The following PPP1R1C variants were observed in gnomAD, a reference collection of about 807,000 sequenced individuals.
PPP1R1C encodes protein phosphatase 1 regulatory inhibitor subunit 1C, also known as protein phosphatase 1 regulatory subunit 1C.
Under a neutral mutation model 17.4 loss-of-function variants are expected in PPP1R1C, and 15 were observed. The observed-to-expected ratio is 0.86, with a 90% CI of 0.58 to 1.33. The LOEUF is 1.33. Among genes scored for constraint, PPP1R1C ranks in the 40% most tolerant of loss-of-function variants. The probability of loss-of-function intolerance (pLI) is 0.00; values close to 1 mark genes in which losing one functional copy is unlikely to be tolerated. For missense variants in PPP1R1C, 143 were observed against 130.0 expected (o/e 1.10, Z -0.48); for synonymous variants, 35 against 43.1 (o/e 0.81, Z 0.73).
At chr2:182,119,075 C>T (rs1689663046), downstream of PPP1R1C, among the ~76,000 whole-genome samples, 1 of 151,922 alleles carries the variant, frequency 6.6e-6, no homozygotes, top group East Asian at 1.9e-4. Context: ...CCACAGCAGG[C>T]CCCGGTGTGT....
At chr2:182,120,014 T>A (rs1476258096), downstream of PPP1R1C, among the ~76,000 whole-genome samples, 2 of 152,194 alleles carry the variant, frequency 1.3e-5, no homozygotes, top group East Asian at 3.9e-4. Flanking sequence ...TGCCTAGGTT[T>A]TCTTCTAGGG....
chr2:182,046,722 A>G (rs1687359158), intron 2 of PPP1R1C, among the ~76,000 whole-genome samples: 1 of 151,420 alleles, frequency 6.6e-6, no homozygotes, highest in African/African-American at 2.4e-5. Flanking sequence ...CTGGCAACAG[A>G]GCGAGTCTCT....
At chr2:182,131,028 G>C (rs1689995605), downstream of PPP1R1C, 2 of 152,110 alleles carry the variant, frequency 1.3e-5, no homozygotes, top group African/African-American at 2.4e-5. Flanking sequence ...TAAGTTTTTT[G>C]TCGTATTGGC....
rs893671294 is a variant in PPP1R1C, at chr2:181,976,503, G to T, written n.157+1239G>T. 1.3e-5 allele frequency among the ~76,000 whole-genome samples: 2 copies of T among 152,122 alleles called. No individual in the cohort carries two copies. Among genetic ancestry groups the T allele is most frequent in the Non-Finnish European group, 2.9e-5 (2 of 68,018 alleles). ...TTTATTTATTTATATCGTTGAGTAAGAGGATCATACCTATAATCTCCTACA... is the reference window on the plus strand; with the variant it reads ...TTTATTTATTTATATCGTTGAGTAATAGGATCATACCTATAATCTCCTACA... On this transcript the variant is annotated intron_variant and non_coding_transcript_variant, in intron 2 of 5. Transcript: ENST00000464264. The surrounding 1 kb of genome is among the most constrained non-coding windows in gnomAD (Gnocchi z 4.8).
Position 182,066,431 on chromosome 2 carries a change from G to A in PPP1R1C, c.241+2640G>A, listed in dbSNP as rs1196164. On this transcript the variant is annotated intron_variant, in intron 4 of 4. Transcript: ENST00000682840. ...TATTTTTATCTGATCCATAACAAAT[G>A]TATGAAACAAAACACAGCTAAAAGA... Among the ~76,000 whole-genome samples the A allele has an allele frequency of 2.6e-3, 401 of 152,146 alleles. 2 individuals are homozygous for A. The highest frequency in any genetic ancestry group is 8.9e-3 in the African/African-American group (371 of 41,540).
intron 1 of PPP1R1C, among the ~76,000 whole-genome samples, chr2:181,955,935 G>A (rs570661881): frequency 3.3e-5 from 5 of 152,058 alleles, no homozygotes; most frequent in African/African-American, 1.2e-4. Flanking sequence ...AGTTGTGCAG[G>A]TTTGTTACAT....
At chr2:182,096,086 A>T (rs533534250) in intron 4 of PPP1R1C, among the ~76,000 whole-genome samples, 319 of 152,334 alleles carry the variant, frequency 2.1e-3, no homozygotes, top group Non-Finnish European at 3.7e-3. Context: ...ATGAAGTTTT[A>T]CAAGCCTTCA....
At chr2:181,988,920 A>C (rs1034597135) in intron 2 of PPP1R1C, among the ~76,000 whole-genome samples, 2 of 152,178 alleles carry the variant, frequency 1.3e-5, no homozygotes, top group African/African-American at 4.8e-5. Context: ...TTATAATTTG[A>C]TCCTATAACT....
At chr2:182,110,692 A>G (rs1689391357) in intron 4 of PPP1R1C, among the ~76,000 whole-genome samples, 1 of 152,140 alleles carries the variant, frequency 6.6e-6, no homozygotes, top group African/African-American at 2.4e-5. Context: ...TTGTTATTTT[A>G]TTTTTAATGC....
At chr2:181,990,438 C>T (rs566167610) in intron 2 of PPP1R1C, among the ~76,000 whole-genome samples, 30 of 152,182 alleles carry the variant, frequency 2.0e-4, no homozygotes, top group African/African-American at 7.2e-4. Context: ...CCACAGCGCC[C>T]GGCCTCCAAG....
intron 4 of PPP1R1C, among the ~76,000 whole-genome samples, chr2:182,089,742 ACT>A (rs1688728909): frequency 6.6e-6 from 1 of 152,122 alleles, no homozygotes; most frequent in Non-Finnish European, 1.5e-5. Context: ...TCATCACTAC[ACT>A]GTTAATTAAT....
intron 4 of PPP1R1C, among the ~76,000 whole-genome samples, chr2:182,084,079 A>C (rs1412821091): frequency 6.6e-6 from 1 of 151,858 alleles, no homozygotes; most frequent in Non-Finnish European, 1.5e-5. Flanking sequence ...AGAGCTATCT[A>C]TTCATGTCAT....
chr2:181,992,043 C>T (rs910249659), intron 2 of PPP1R1C, among the ~76,000 whole-genome samples: 5 of 152,098 alleles, frequency 3.3e-5, no homozygotes, highest in Admixed American at 1.3e-4. Flanking sequence ...TGGCTACCAG[C>T]GTTTGAAATC....
At chr2:182,020,583 C>T (rs1686390855) in intron 2 of PPP1R1C, among the ~76,000 whole-genome samples, 1 of 152,188 alleles carries the variant, frequency 6.6e-6, no homozygotes, top group East Asian at 1.9e-4. Flanking sequence ...CTCTTCTCAA[C>T]ATGAAGTTTC....
chr2:181,983,395 G>A (rs1685227828), upstream of PPP1R1C, among the ~76,000 whole-genome samples: 1 of 152,118 alleles, frequency 6.6e-6, no homozygotes, highest in Non-Finnish European at 1.5e-5. Flanking sequence ...ATAAATTAAT[G>A]CAGATAAAGC....
chr2:182,021,485 G>A (rs1057440374), intron 2 of PPP1R1C, among the ~76,000 whole-genome samples: 4 of 151,856 alleles, frequency 2.6e-5, no homozygotes, highest in African/African-American at 4.8e-5. Context: ...GAGACACCAC[G>A]CCTGGCTAAT....
intron 4 of PPP1R1C, among the ~76,000 whole-genome samples, chr2:182,083,722 A>G (rs1223890675): frequency 6.6e-6 from 1 of 152,108 alleles, no homozygotes; most frequent in Admixed American, 6.5e-5. Context: ...GCTGTGATAA[A>G]CACATGTGTA....
downstream of PPP1R1C, among the ~76,000 whole-genome samples, chr2:182,122,095 T>C (rs1428263696): frequency 2.6e-5 from 4 of 152,110 alleles, no homozygotes; most frequent in African/African-American, 9.7e-5. Context: ...TCTATCCTCT[T>C]ATACGTGAGG....
chr2:182,072,382 A>G (rs1688164938), intron 4 of PPP1R1C, among the ~76,000 whole-genome samples: 1 of 152,248 alleles, frequency 6.6e-6, no homozygotes, highest in Non-Finnish European at 1.5e-5. Context: ...GATTTTAAAA[A>G]AGATGTTTAT....
Sources: allele counts gnomAD v4.1 joint callset (sites outside exome capture counted in the v4.1 genomes callset), GRCh38; gene constraint gnomAD v4.1.1; non-coding constraint Gnocchi (gnomAD v3.1); transcripts MANE v1.5; gene names NCBI Gene and HGNC (gene_info 2026-07-23, HGNC 2026-07-21).